The following MACROD2 variants were observed in gnomAD, a reference collection of about 807,000 sequenced individuals.
MACROD2 encodes the protein mono-ADP ribosylhydrolase 2, also known as ADP-ribose glycohydrolase MACROD2.
Under a neutral mutation model 70.4 loss-of-function variants are expected in MACROD2, and 36 were observed. The observed-to-expected ratio is 0.51, with a 90% confidence interval of 0.39 to 0.68. The LOEUF (loss-of-function observed/expected upper bound fraction) is 0.68, where lower values mean the gene tolerates loss of function less well. Among genes scored for constraint, MACROD2 ranks in the 30% least tolerant of loss-of-function variants. MACROD2 has a pLI of 0.00. For missense variants in MACROD2, 496 were observed against 538.4 expected (o/e 0.92, Z 0.78); for synonymous variants, 172 against 178.8 (o/e 0.96, Z 0.30).
At chr20:15,560,762 C>CAAAAAAAAAAAAAAAAAAAAAAA (rs71190190) in intron 8 of MACROD2, among the ~76,000 whole-genome samples, 7 of 22,094 alleles carry the variant, frequency 3.2e-4, no homozygotes, top group Admixed American at 6.0e-4. Flanking sequence ...AACAAAGTCT[C>CAAAAAAAAAAAAAAAAAAAAAAA]AAAAAAAAAA....
chr20:14,786,191 A>G (rs1420159542), intron 5 of MACROD2, among the ~76,000 whole-genome samples: 1 of 145,370 alleles, frequency 6.9e-6, no homozygotes, highest in Non-Finnish European at 1.5e-5. Context: ...TGTTTGGTTC[A>G]CTCAGAGAAA....
chr20:14,445,253 A>C (rs1366476522), intron 3 of MACROD2, among the ~76,000 whole-genome samples: 2 of 151,912 alleles, frequency 1.3e-5, no homozygotes, highest in African/African-American at 2.4e-5. Context: ...ATTTTTGTCC[A>C]TTTTGTTCCC....
intron 5 of MACROD2, among the ~76,000 whole-genome samples, chr20:14,729,829 G>C (rs1396941683): frequency 6.6e-6 from 1 of 151,902 alleles, no homozygotes; most frequent in Non-Finnish European, 1.5e-5. Flanking sequence ...CATGATCTAG[G>C]ATCCACAAAA....
intron 4 of MACROD2, among the ~76,000 whole-genome samples, chr20:14,612,484 T>C (rs1983227677): frequency 6.6e-6 from 1 of 152,080 alleles, no homozygotes; most frequent in Admixed American, 6.6e-5. Flanking sequence ...CACATAATTA[T>C]TATGGGAGTA....
At chr20:15,961,168 G>GA (rs1274300068) in intron 12 of MACROD2, among the ~76,000 whole-genome samples, 1 of 151,994 alleles carries the variant, frequency 6.6e-6, no homozygotes, top group African/African-American at 2.4e-5. Flanking sequence ...ATTGAAGAAA[G>GA]AAAAAAACAG....
At chr20:16,046,768 C>T (rs1006144264) in intron 17 of MACROD2, among the ~76,000 whole-genome samples, 2 of 147,246 alleles carry the variant, frequency 1.4e-5, no homozygotes, top group Non-Finnish European at 3.0e-5. Context: ...GCAAACTTCA[C>T]CTCCCTGTTT....
intron 3 of MACROD2, among the ~76,000 whole-genome samples, chr20:14,288,787 A>G (rs2122437224): frequency 6.6e-6 from 1 of 152,342 alleles, no homozygotes; most frequent in African/African-American, 2.4e-5. Flanking sequence ...CTCAGTGGTG[A>G]AAGCATGACA....
chr20:15,234,430 T>C (rs955334248), intron 6 of MACROD2, among the ~76,000 whole-genome samples: 5 of 151,766 alleles, frequency 3.3e-5, no homozygotes, highest in Non-Finnish European at 5.9e-5. Context: ...AAACTGGAAA[T>C]TGGAGTGGGA....
intron 8 of MACROD2, among the ~76,000 whole-genome samples, chr20:15,785,151 CAAAAAAA>C (rs398035431): frequency 3.9e-3 from 402 of 103,612 alleles, no homozygotes; most frequent in Middle Eastern, 9.7e-3. Context: ...GACTCCGTCT[CAAAAAAA>C]AAAAAAAAAA....
intron 2 of MACROD2, among the ~76,000 whole-genome samples, chr20:14,038,175 T>A (rs1442828681): frequency 6.6e-6 from 1 of 151,746 alleles, no homozygotes; most frequent in African/African-American, 2.4e-5. Context: ...GTGCTAGTAG[T>A]CCCAGCTACT....
chr20:15,886,119 C>T (rs151116020), intron 10 of MACROD2, among the ~76,000 whole-genome samples: 98 of 152,214 alleles, frequency 6.4e-4, no homozygotes, highest in African/African-American at 2.2e-3. Context: ...CCACTTCTTA[C>T]GCTCATGAGC....
At chr20:14,414,973 A>G (rs1600216253) in intron 3 of MACROD2, among the ~76,000 whole-genome samples, 1 of 150,842 alleles carries the variant, frequency 6.6e-6, no homozygotes. Context: ...ATGTATTAGT[A>G]TACACATATA....
chr20:15,377,175 C>T (rs2045574999), intron 6 of MACROD2, among the ~76,000 whole-genome samples: 1 of 152,160 alleles, frequency 6.6e-6, no homozygotes, highest in African/African-American at 2.4e-5. Flanking sequence ...CAGGCATAAG[C>T]CACCACGTCA....
chr20:15,398,842 T>C (rs1195732327), intron 6 of MACROD2, among the ~76,000 whole-genome samples: 1 of 152,092 alleles, frequency 6.6e-6, no homozygotes, highest in Non-Finnish European at 1.5e-5. Flanking sequence ...TTTTAAGAGA[T>C]AGGGTCTCAC....
intron 6 of MACROD2, among the ~76,000 whole-genome samples, chr20:15,374,606 G>C (rs1308635768): frequency 1.3e-5 from 2 of 152,084 alleles, no homozygotes; most frequent in East Asian, 3.9e-4. Flanking sequence ...AGATTGTACA[G>C]ACAGTTGATA....
intron 3 of MACROD2, among the ~76,000 whole-genome samples, chr20:14,479,637 G>A (rs1007510444): frequency 3.9e-5 from 6 of 152,050 alleles, no homozygotes; most frequent in East Asian, 1.9e-4. Flanking sequence ...TATCTCCAGC[G>A]TTTACAGTTG....
chr20:14,553,321 A>G (rs1026597268), intron 4 of MACROD2, among the ~76,000 whole-genome samples: 5 of 151,256 alleles, frequency 3.3e-5, no homozygotes, highest in Admixed American at 6.6e-5. Flanking sequence ...GGGCCAATAC[A>G]TGCATGGAAC....
rs777887192 is a variant in MACROD2, at chr20:14,055,355, T to G, written c.164-30266T>G. The stretch of plus-strand genomic sequence containing the variant: ...CTAGTGATCGATTTCCAAAAATGCA[T>G]TAATTAACTTGTAAGCCTGTTACAG... On this transcript the variant is annotated intron_variant, in intron 2 of 17. Transcript: ENST00000684519. Among the ~76,000 whole-genome samples the G allele has an allele frequency of 5.3e-5, 8 of 152,136 alleles. No homozygotes were observed. In the South Asian group the frequency reaches 6.2e-4, roughly 12 times the overall value.
intron 9 of MACROD2, among the ~76,000 whole-genome samples, chr20:15,870,385 A>G (rs963892818): frequency 2.0e-5 from 3 of 152,128 alleles, no homozygotes; most frequent in Admixed American, 6.6e-5. Flanking sequence ...GTAGGTGTTT[A>G]TTAATGTAAA....
Sources: gnomAD v4.1 joint callset for allele counts (sites outside exome capture counted in the v4.1 genomes callset) on GRCh38, gnomAD v4.1.1 for gene constraint, MANE v1.5 for transcripts, NCBI Gene and HGNC (gene_info 2026-07-23, HGNC 2026-07-21) for gene names.